The following ARFGEF3 variants were observed in gnomAD, a reference collection of about 807,000 sequenced individuals.
ARFGEF3 encodes the protein brefeldin A-inhibited guanine nucleotide-exchange protein 3.
A neutral mutation model predicts 221.7 loss-of-function variants in ARFGEF3; 96 were observed. That is an observed-to-expected ratio of 0.43 (90% confidence interval 0.37 to 0.51). ARFGEF3 has a LOEUF of 0.51. Ranked by LOEUF, ARFGEF3 falls within the 20% of genes least tolerant of loss-of-function variation. The probability of loss-of-function intolerance (pLI) is 0.00; values close to 1 mark genes in which losing one functional copy is unlikely to be tolerated. For synonymous variants in ARFGEF3, 1,145 were observed against 1,126.8 expected, an observed-to-expected ratio of 1.02 and a Z score of -0.32; for missense variants, 2,410 against 2,789.9, an observed-to-expected ratio of 0.86 and a Z score of 3.07.
At chr6:138,293,955 T>C in intron 19 of ARFGEF3, 38 bp from the exon 20 acceptor site, 1 of 1,600,170 alleles carries the variant, frequency 6.2e-7, no homozygotes, top group African/African-American at 1.3e-5. Flanking sequence ...CTTGCTGAAT[T>C]GTTTCCAAAG....
chr6:138,311,471 G>T lies in ARFGEF3; in HGVS notation c.4161G>T (p.Leu1387=), dbSNP rs1177180570. 6.2e-7 allele frequency: 1 copy of T among 1,606,218 alleles called. No individual in the cohort carries two copies. Among genetic ancestry groups the T allele is most frequent in the African/African-American group, 1.3e-5 (1 of 74,822 alleles). The change falls in exon 25 of 34, where the codon CTG becomes CTT. Residue 1387 remains leucine, a synonymous_variant. Coordinates refer to ENST00000251691, the MANE Select transcript of ARFGEF3 (RefSeq NM_020340.5). ...CACCCGGAGCCCCGTCCACAGACCT[G>T]TGCCTCCCGGCCCTGGATTACCTCA... ...APAPGAPSTD[L]CLPALDYLRR...
intron 26 of ARFGEF3, among the ~76,000 whole-genome samples, chr6:138,316,874 A>G (rs1779935573): frequency 1.3e-5 from 2 of 152,188 alleles, no homozygotes; most frequent in South Asian, 2.1e-4. Flanking sequence ...TTTCTGTTCT[A>G]TATATTTACC....
At position 138,289,948 on chromosome 6, in the gene ARFGEF3, C is replaced by T; in HGVS notation, c.3027C>T (p.Asp1009=). 2 of 1,613,278 alleles carry T rather than the reference C, an allele frequency of 1.2e-6. No homozygotes were observed. The highest frequency in any genetic ancestry group is 1.1e-5 in the South Asian group (1 of 90,918). Residue 1009 remains aspartate, a synonymous_variant, in exon 18 of 34, where the codon GAC becomes GAT. Coordinates refer to ENST00000251691, the MANE Select transcript of ARFGEF3 (RefSeq NM_020340.5). ...VGLEMGSHNP[D]CWPHVFRVCE... The stretch of plus-strand genomic sequence containing the variant: ...TGGAGATGGGAAGCCACAACCCGGA[C>T]TGCTGGCCACACGTGTTCAGGTGCA...
chr6:138,226,485 C>T (rs1778086444), intron 4 of ARFGEF3, among the ~76,000 whole-genome samples: 1 of 152,122 alleles, frequency 6.6e-6, no homozygotes, highest in Non-Finnish European at 1.5e-5. Context: ...CCCCTGTTTT[C>T]CCTATTTTCC....
chr6:138,247,508 C>T (rs953911851), intron 8 of ARFGEF3, among the ~76,000 whole-genome samples: 1 of 152,184 alleles, frequency 6.6e-6, no homozygotes, highest in Non-Finnish European at 1.5e-5. Flanking sequence ...TCCCCTCCAT[C>T]ATAACACAGA....
chr6:138,181,492 G>A lies in ARFGEF3; in HGVS notation c.137+10779G>A, dbSNP rs147141781. ...TCTCACTCACTCTGTCACTCAGGCT[G>A]GAGTACAGTGGTGTGATTTGGGCTC... On this transcript the variant is annotated intron_variant, in intron 2 of 33. Transcript: ENST00000251691. 4.4e-3 allele frequency among the ~76,000 whole-genome samples: 673 copies of A among 152,276 alleles called. 7 individuals carry two copies. Among genetic ancestry groups the A allele is most frequent in the African/African-American group, 0.016 (646 of 41,540 alleles).
chr6:138,292,784 C>T (rs1356347867), intron 19 of ARFGEF3, among the ~76,000 whole-genome samples: 1 of 152,222 alleles, frequency 6.6e-6, no homozygotes, highest in Non-Finnish European at 1.5e-5. Context: ...CGGGTCATGT[C>T]TGTAGACATA....
At chr6:138,212,385 T>C (rs2327877) in intron 4 of ARFGEF3, among the ~76,000 whole-genome samples, 11,168 of 152,264 alleles carry the variant, frequency 0.073, 772 homozygotes, top group East Asian at 0.36. Context: ...AAAAAGTTAA[T>C]GTAGAGAAAT....
chr6:138,211,292 C>T (rs1777723121), intron 4 of ARFGEF3, among the ~76,000 whole-genome samples: 1 of 152,358 alleles, frequency 6.6e-6, no homozygotes, highest in South Asian at 2.1e-4. Context: ...GTGCAGCTTT[C>T]ACTAGCATCC....
intron 22 of ARFGEF3, among the ~76,000 whole-genome samples, chr6:138,298,988 A>G (rs1779576962): frequency 6.6e-6 from 1 of 152,172 alleles, no homozygotes; most frequent in Non-Finnish European, 1.5e-5. Context: ...TCACGAGGTC[A>G]GGAGTTCAAG....
intron 18 of ARFGEF3, among the ~76,000 whole-genome samples, chr6:138,290,948 AT>A (rs1158461572): frequency 1.3e-5 from 2 of 152,332 alleles, no homozygotes; most frequent in East Asian, 3.9e-4. Context: ...AAAAAAGAAA[AT>A]AAAAAGGCTC....
chr6:138,201,582 C>T (rs960070480), intron 2 of ARFGEF3, among the ~76,000 whole-genome samples: 1 of 152,206 alleles, frequency 6.6e-6, no homozygotes, highest in African/African-American at 2.4e-5. Context: ...GAAAACCACA[C>T]ATCGTATGTT....
chr6:138,287,091 G>T lies in ARFGEF3; in HGVS notation c.2803G>T (p.Ala935Ser), dbSNP rs768653939. 1.9e-6 allele frequency: 3 copies of T among 1,574,320 alleles called. No individual in the cohort carries two copies. The highest frequency in any genetic ancestry group is 2.7e-5 in the African/African-American group (2 of 74,090). Reference sequence around the variant, plus strand: ...CTCTGAAGGCGTTGCTGCTAACTGCGCCTCAGCCCTTGCCCAGATGGCAGC... The same window carrying T: ...CTCTGAAGGCGTTGCTGCTAACTGCTCCTCAGCCCTTGCCCAGATGGCAGC... ...SCALGVAANCASALAQMAAAS... is the reference protein window; with the variant it reads ...SCALGVAANCSSALAQMAAAS... The change falls in exon 17 of 34, where the codon GCC becomes TCC. Residue 935 changes from alanine (A) to serine (S), a missense_variant. Physicochemically the swap from Ala to Ser is moderately conservative, Grantham distance 99. Around this residue, in one of 5 missense-constraint regions of ARFGEF3, gnomAD observed 594 missense variants for 734.3 expected, o/e 0.81. Transcript: ENST00000251691.
intron 2 of ARFGEF3, among the ~76,000 whole-genome samples, chr6:138,205,394 T>A (rs573961102): frequency 2.4e-4 from 36 of 152,320 alleles, no homozygotes; most frequent in African/African-American, 8.7e-4. Context: ...TTAATCCTGG[T>A]GGAAATTTGA....
At chr6:138,324,777 T>G (rs1462551364) in intron 31 of ARFGEF3, among the ~76,000 whole-genome samples, 1 of 152,260 alleles carries the variant, frequency 6.6e-6, no homozygotes, top group African/African-American at 2.4e-5. Context: ...AGTATGTCTT[T>G]GTTGAATCAA....
rs539290302 is a variant in ARFGEF3, at chr6:138,337,708, G to T, written c.*1222G>T. ...CCTATGTTTGATGTCTTTGCATTCA[G>T]ACCAATATTTCAGGTGGATATTTCT... On this transcript the variant is annotated 3_prime_UTR_variant, in exon 34 of 34. Transcript: ENST00000251691. The T allele has an allele frequency of 1.1e-3, 175 of 152,238 alleles. No individual in the cohort carries two copies. Among genetic ancestry groups the T allele is most frequent in the African/African-American group, 4.1e-3 (169 of 41,536 alleles). 9.4% of individuals were successfully genotyped at this position (152,238 alleles called of 1,614,324 possible).
chr6:138,177,272 T>C (rs1017725201), intron 2 of ARFGEF3, among the ~76,000 whole-genome samples: 2 of 151,518 alleles, frequency 1.3e-5, no homozygotes, highest in African/African-American at 4.9e-5. Flanking sequence ...TATTTTTTGT[T>C]TGTTTGTTTG....
intron 26 of ARFGEF3, among the ~76,000 whole-genome samples, chr6:138,314,215 G>A (rs2114670288): frequency 6.6e-6 from 1 of 152,222 alleles, no homozygotes; most frequent in South Asian, 2.1e-4. Context: ...TCAGGGTGGT[G>A]GGGAGAGGCA....
At position 138,291,963 on chromosome 6, in the gene ARFGEF3, G is replaced by A. The variant is rs1027047587; in HGVS notation, c.3278G>A (p.Arg1093Gln). 9 of 1,532,648 alleles carry A rather than the reference G, an allele frequency of 5.9e-6. No individual in the cohort carries two copies. Among genetic ancestry groups the A allele is most frequent in the Admixed American group, 4.0e-5 (2 of 50,134 alleles). The allele number at this position is 1,532,648 out of a possible 1,614,324, so 94.9% of individuals were successfully genotyped here. ...SIQDLVREGSRGRASDFRGGS... is the reference protein window; with the variant it reads ...SIQDLVREGSQGRASDFRGGS... The stretch of plus-strand genomic sequence containing the variant: ...CAGGACCTCGTCCGGGAAGGCAGCC[G>A]GGGTCGGGCCTCCGACTTCCGCGGC... Residue 1093 changes from arginine (R) to glutamine (Q), a missense_variant, in exon 19 of 34, where the codon CGG (arginine) becomes CAG (glutamine). Around this residue, in one of 5 missense-constraint regions of ARFGEF3, gnomAD observed 184 missense variants for 141.8 expected, o/e 1.30. Transcript: ENST00000251691. The surrounding 1 kb of genome is among the most constrained non-coding windows in gnomAD (Gnocchi z 4.5).
Sources: gnomAD v4.1 joint callset for allele counts (sites outside exome capture counted in the v4.1 genomes callset) on GRCh38, gnomAD v4.1.1 for gene constraint, gnomAD v4.1.1 regional missense constraint, Gnocchi (gnomAD v3.1) non-coding constraint, MANE v1.5 for transcripts, NCBI Gene and HGNC (gene_info 2026-07-23, HGNC 2026-07-21) for gene names.